CACNA1I: variants seen among roughly 807,000 people sequenced by gnomAD.
CACNA1I encodes voltage-dependent T-type calcium channel subunit alpha-1I.
A neutral mutation model predicts 201.6 loss-of-function variants in CACNA1I; 74 were observed. The observed-to-expected ratio is 0.37, with a 90% CI of 0.30 to 0.45. The LOEUF is 0.45. CACNA1I is among the 20% of genes least tolerant of loss of function. The probability of loss-of-function intolerance (pLI) is 1.00; values close to 1 mark genes in which losing one functional copy is unlikely to be tolerated. For synonymous variants in CACNA1I, 1,431 were observed against 1,345.2 expected, an observed-to-expected ratio of 1.06 and a Z score of -1.40; for missense variants, 2,346 against 3,138.1, an observed-to-expected ratio of 0.75 and a Z score of 6.03.
At chr22:39,623,634 GTGTGCCTGTGTGTGTA>G (rs1933815613) in intron 4 of CACNA1I, among the ~76,000 whole-genome samples, 1 of 146,314 alleles carries the variant, frequency 6.8e-6, no homozygotes, top group South Asian at 2.2e-4. Flanking sequence ...CTGTGTGTGT[GTGTGCCTGTGTGTGTA>G]TGTGTGCTGC....
intron 9 of CACNA1I, 62 bp downstream of exon 9, chr22:39,647,988 G>T (rs1013028399): frequency 6.9e-7 from 1 of 1,441,306 alleles, no homozygotes; most frequent in Admixed American, 1.7e-5. Context: ...CTCCCAGTTG[G>T]TGCTGAGAAG....
intron 24 of CACNA1I, among the ~76,000 whole-genome samples, chr22:39,668,835 C>T (rs1438760005): frequency 1.3e-5 from 2 of 152,058 alleles, no homozygotes; most frequent in African/African-American, 4.8e-5. Flanking sequence ...TGCAAGCCCC[C>T]GGGTGTGCCA....
chr22:39,598,054 C>CTG (rs1168039166), intron 1 of CACNA1I, 97 bp from the exon 2 acceptor site: 3 of 697,924 alleles, frequency 4.3e-6, no homozygotes, highest in East Asian at 5.4e-5. Flanking sequence ...GGGTGTATGC[C>CTG]TGTGTGTGTG....
chr22:39,677,375 T>G lies in CACNA1I; in HGVS notation c.4889T>G (p.Phe1630Cys). Residue 1630 changes from phenylalanine (F) to cysteine (C), a missense_variant, in exon 30 of 37, where the codon TTC (phenylalanine) becomes TGC (cysteine). Around this residue, in one of 13 missense-constraint regions of CACNA1I, gnomAD observed 50 missense variants for 43.6 expected, o/e 1.15. Coordinates refer to ENST00000402142, the MANE Select transcript of CACNA1I (RefSeq NM_021096.4). This position sits in a 1 kb window ranked among gnomAD's most constrained non-coding sequence, Gnocchi z 4.8. ...GNLGLLFMLLFFIYAALGVEL... is the reference protein window; with the variant it reads ...GNLGLLFMLLCFIYAALGVEL... ...CTGGGCCTCCTCTTCATGCTGCTCT[T>G]CTTCATCTATGCTGCTCTCGGGGTG... 6.2e-7 allele frequency: 1 copy of G among 1,600,106 alleles called. No individual in the cohort carries two copies. Among genetic ancestry groups the G allele is most frequent in the Non-Finnish European group, 8.5e-7 (1 of 1,175,556 alleles).
chr22:39,611,428 G>A (rs1394605162), intron 3 of CACNA1I, among the ~76,000 whole-genome samples: 1 of 152,104 alleles, frequency 6.6e-6, no homozygotes, highest in East Asian at 1.9e-4. Flanking sequence ...TGAAATATAA[G>A]CCGTTGATTT....
intron 4 of CACNA1I, among the ~76,000 whole-genome samples, chr22:39,630,853 C>T (rs1025355129): frequency 1.3e-5 from 2 of 152,156 alleles, no homozygotes; most frequent in Non-Finnish European, 1.5e-5. Flanking sequence ...ACAGCAGTTC[C>T]GGGATCCTAT....
intron 4 of CACNA1I, among the ~76,000 whole-genome samples, chr22:39,624,240 T>C (rs566129812): frequency 2.6e-5 from 4 of 152,182 alleles, no homozygotes; most frequent in African/African-American, 9.6e-5. Context: ...CTCCAGGTCC[T>C]CTTTGCTCCT....
In CACNA1I at chr22:39,678,987, C is replaced by A. The variant is rs181783958; in HGVS notation, c.5056-120C>A. 6.0e-5 allele frequency: 44 copies of A among 738,632 alleles called. No homozygotes were observed. In the Middle Eastern group the frequency reaches 1.0e-3, roughly 17 times the overall value. 45.8% of individuals were successfully genotyped at this position (738,632 alleles called of 1,614,324 possible). On this transcript the variant is annotated intron_variant, in intron 31 of 36. Coordinates refer to ENST00000402142, the MANE Select transcript of CACNA1I (RefSeq NM_021096.4). ...CAGAGTGGGGCAGGGCAGCCCGGGG[C>A]CATCTCGGGGGTTGAATCTCGGTCT...
At chr22:39,654,745 C>T (rs138012095) in intron 10 of CACNA1I, among the ~76,000 whole-genome samples, 3 of 152,148 alleles carry the variant, frequency 2.0e-5, no homozygotes, top group African/African-American at 2.4e-5. Flanking sequence ...CGAAGGATGA[C>T]TAGGAGTTCA....
chr22:39,587,768 T>C (rs748711050), intron 1 of CACNA1I: 63 of 444,980 alleles, frequency 1.4e-4, no homozygotes, highest in Admixed American at 3.4e-4. Flanking sequence ...TTTATTTTAT[T>C]TGATTTATAA....
At position 39,640,987 on chromosome 22, in the gene CACNA1I, G is replaced by A; in HGVS notation, c.861G>A (p.Lys287=). The A allele has an allele frequency of 2.5e-6, 4 of 1,614,028 alleles. No homozygotes were observed. The highest frequency in any genetic ancestry group is 3.4e-6 in the Non-Finnish European group (4 of 1,179,894). ...IMGCHEIPPL[K]EQGRECCLSK... ...GCTGCCATGAGATCCCCCCGCTCAA[G>A]GAGCAGGGCCGTGAGTGCTGCCTGT... The change falls in exon 6 of 37, where the codon AAG becomes AAA. Residue 287 remains lysine (K), a synonymous_variant. Coordinates refer to ENST00000402142, the MANE Select transcript of CACNA1I (RefSeq NM_021096.4).
chr22:39,665,373 C>T lies in CACNA1I; in HGVS notation c.3852-125C>T. ...GACTGTCCTCATGCCCCAGGGTGTT[C>T]AGCCCTGGTGAGCCCTGGGGACTCA... On this transcript the variant is annotated intron_variant, in intron 21 of 36. Transcript: ENST00000402142. This position sits in a 1 kb window ranked among gnomAD's most constrained non-coding sequence, Gnocchi z 5.5. 8.8e-7 allele frequency: 1 copy of T among 1,141,414 alleles called. No individual in the cohort carries two copies. The highest frequency in any genetic ancestry group is 1.2e-6 in the Non-Finnish European group (1 of 812,344). 70.7% of individuals were successfully genotyped at this position (1,141,414 alleles called of 1,614,324 possible). A position where few individuals can be genotyped will look rare whatever the true frequency, so the allele number is the denominator to read the frequency against.
rs968330661 is a variant in CACNA1I, at chr22:39,687,651, GTC to G, written c.*1251_*1252del. 5 of 152,400 alleles carry G rather than the reference GTC, an allele frequency of 3.3e-5. No homozygotes were observed. The highest frequency in any genetic ancestry group is 5.9e-5 in the Non-Finnish European group (4 of 68,072). 9.4% of individuals were successfully genotyped at this position (152,400 alleles called of 1,614,324 possible). A position where few individuals can be genotyped will look rare whatever the true frequency, so the allele number is the denominator to read the frequency against. On this transcript the variant is annotated 3_prime_UTR_variant, in exon 37 of 37. Coordinates refer to ENST00000402142, the MANE Select transcript of CACNA1I (RefSeq NM_021096.4). The stretch of plus-strand genomic sequence containing the variant: ...CTTCCCACCCCACCTGCCAGCCCCT[GTC>G]TCTCCTCCCCGCTGCCCCTAACTGC...
rs543548587 is a variant in CACNA1I, at chr22:39,642,651, C to A, written c.1057-146C>A. On this transcript the variant is annotated intron_variant, in intron 6 of 36. Coordinates refer to ENST00000402142, the MANE Select transcript of CACNA1I (RefSeq NM_021096.4). ...TTCCTCACCTGTATAATGTGATGTG[C>A]CTTGTCCAGCCCCTGTGAGACAGAC... 4.6e-5 allele frequency: 29 copies of A among 630,190 alleles called. No homozygotes were observed. In the African/African-American group the frequency reaches 5.1e-4, roughly 11 times the overall value. 39.0% of individuals were successfully genotyped at this position (630,190 alleles called of 1,614,324 possible).
intron 1 of CACNA1I, among the ~76,000 whole-genome samples, chr22:39,593,950 T>C (rs949989767): frequency 4.6e-5 from 7 of 152,170 alleles, no homozygotes; most frequent in African/African-American, 1.7e-4. Context: ...GTGGGGCAGA[T>C]TGGAGGGGCA....
At chr22:39,619,961 G>A (rs868490452) in intron 4 of CACNA1I, among the ~76,000 whole-genome samples, 13 of 129,778 alleles carry the variant, frequency 1.0e-4, no homozygotes, top group African/African-American at 2.1e-4. Context: ...CCGTCCGTCC[G>A]TCCATCCATC....
Position 39,598,274 on chromosome 22 carries a change from G to GGGCCCCCC in CACNA1I, c.348+12_348+13insGGCCCCCC. 3 of 1,311,208 alleles carry GGGCCCCCC rather than the reference G, an allele frequency of 2.3e-6. No individual in the cohort carries two copies. The highest frequency in any genetic ancestry group is 1.0e-6 in the Non-Finnish European group (1 of 971,804). The allele number at this position is 1,311,208 out of a possible 1,614,324, so 81.2% of individuals were successfully genotyped here. A position where few individuals can be genotyped will look rare whatever the true frequency, so the allele number is the denominator to read the frequency against. On this transcript the variant is annotated intron_variant, in intron 2 of 36. Transcript: ENST00000402142. ...GCAAGATCCTGCAGGTGAGCCGGCC[G>GGGCCCCCC]CCCCGCCCCGCCCCGCCCTGCCCTC...
intron 1 of CACNA1I, among the ~76,000 whole-genome samples, chr22:39,586,756 A>G (rs1231051367): frequency 6.6e-6 from 1 of 152,194 alleles, no homozygotes; most frequent in Non-Finnish European, 1.5e-5. Flanking sequence ...CACGCGGCAG[A>G]GGACAGGTCC....
rs1206346168 is a variant in CACNA1I at position 39,686,090 on chromosome 22, G to A, written c.6357G>A (p.Ala2119=). 1.6e-6 allele frequency: 2 copies of A among 1,233,536 alleles called. No individual in the cohort carries two copies. Among genetic ancestry groups the A allele is most frequent in the Admixed American group, 4.3e-5 (1 of 23,328 alleles). The allele number at this position is 1,233,536 out of a possible 1,614,324, so 76.4% of individuals were successfully genotyped here. ...EGRGGAGGGG[A]GSEHSETLSS... Reference sequence around the variant, plus strand: ...GCGGTGGCGCGGGCGGCGGGGGCGCGGGCAGCGAGCACTCGGAGACCCTCA... The same window carrying A: ...GCGGTGGCGCGGGCGGCGGGGGCGCAGGCAGCGAGCACTCGGAGACCCTCA... The change falls in exon 37 of 37, where the codon GCG becomes GCA. Residue 2119 remains alanine, a synonymous_variant. Transcript: ENST00000402142.
Sources: gnomAD v4.1 joint callset for allele counts (sites outside exome capture counted in the v4.1 genomes callset) on GRCh38, gnomAD v4.1.1 for gene constraint, gnomAD v4.1.1 regional missense constraint, Gnocchi (gnomAD v3.1) non-coding constraint, MANE v1.5 for transcripts, NCBI Gene and HGNC (gene_info 2026-07-23, HGNC 2026-07-21) for gene names.